The following TTN variants were observed in gnomAD, a reference collection of about 807,000 sequenced individuals.
TTN encodes the protein connectin.
Under a neutral mutation model 3,223.0 loss-of-function variants are expected in TTN, and 1,525 were observed. The observed-to-expected ratio is 0.47, with a 90% CI of 0.45 to 0.49. The LOEUF (loss-of-function observed/expected upper bound fraction) is 0.49. TTN is among the 20% of genes least tolerant of loss of function. The pLI is 0.00. For synonymous variants in TTN, 14,094 were observed against 15,161.0 expected, an observed-to-expected ratio of 0.93 and a Z score of 5.17; for missense variants, 40,786 against 43,424.0, an observed-to-expected ratio of 0.94 and a Z score of 5.40.
At position 178,561,191 on chromosome 2, in the gene TTN, A is replaced by G. The variant is rs1442636431; in HGVS notation, c.84941T>C (p.Val28314Ala). The G allele has an allele frequency of 1.2e-6, 2 of 1,613,608 alleles. No homozygotes were observed. The highest frequency in any genetic ancestry group is 1.7e-6 in the Non-Finnish European group (2 of 1,179,792). The change falls in exon 326 of 363, where the codon GTA (valine) becomes GCA (alanine). Residue 28314 changes from valine (V) to alanine (A), a missense_variant. Coordinates refer to ENST00000589042, the MANE Select transcript of TTN (RefSeq NM_001267550.2). ...YTNIQETYFE[V>A]TELTEDQRYE... The stretch of plus-strand genomic sequence containing the variant: ...ACGCTGATCTTCAGTAAGTTCAGTT[A>G]CTTCAAAGTATGTTTCTTGTATATT...
At position 178,554,983 on chromosome 2, in the gene TTN, G is replaced by C. The variant is rs190406444; in HGVS notation, c.88476C>G (p.Thr29492=). ...TGATGAGTATAGATGCGAGGTCCGT[G>C]GTATTTTCAACACACACCAGTGCAT... ...QTNALVCVEN[T]TDLASILIKD... The change falls in exon 331 of 363, where the codon ACC becomes ACG. Residue 29492 remains threonine (T), a synonymous_variant. Coordinates refer to ENST00000589042, the MANE Select transcript of TTN (RefSeq NM_001267550.2). 225 of 1,613,570 alleles carry C rather than the reference G, an allele frequency of 1.4e-4. 1 individual carries two copies. The African/African-American group carries it at 2.7e-3, about 20-fold the overall frequency.
chr2:178,528,809 A>G lies in TTN; in HGVS notation c.106942T>C (p.Ser35648Pro). 1.9e-6 allele frequency: 3 copies of G among 1,613,758 alleles called. No individual in the cohort carries two copies. The highest frequency in any genetic ancestry group is 4.5e-5 in the East Asian group (2 of 44,876). ...GAGACACCATATCGGTACTCCTCAG[A>G]GTTGGTAAGCTCTACGCCATTCAGT... Reference protein sequence around the residue: ...WVLNGVELTNSEEYRYGVSGS... With the variant: ...WVLNGVELTNPEEYRYGVSGS... The change falls in exon 360 of 363, where the codon TCT becomes CCT. Residue 35648 changes from serine to proline, a missense_variant. Coordinates refer to ENST00000589042, the MANE Select transcript of TTN (RefSeq NM_001267550.2).
In TTN at chr2:178,559,811, A is replaced by G. The variant is rs766812574; in HGVS notation, c.86321T>C (p.Met28774Thr). 3 of 1,610,250 alleles carry G rather than the reference A, an allele frequency of 1.9e-6. No homozygotes were observed. The highest frequency in any genetic ancestry group is 2.5e-6 in the Non-Finnish European group (3 of 1,179,306). Residue 28774 changes from methionine (M) to threonine (T), a missense_variant, in exon 326 of 363, where the codon ATG becomes ACG. By Grantham distance (81) the Met-to-Thr change is moderately conservative (BLOSUM62 -1). Coordinates refer to ENST00000589042, the MANE Select transcript of TTN (RefSeq NM_001267550.2). ...TGGTCTTCCTCGGAAAGGCACAGTC[A>G]TGGTAAATGAGGCACCAGCCTTGAC... is the stretch of plus-strand genomic sequence containing the variant. ...LIVKAGASFTMTVPFRGRPVP... is the reference protein window; with the variant it reads ...LIVKAGASFTTTVPFRGRPVP...
chr2:178,793,361 C>T, intron 9 of TTN, 43 bp downstream of exon 9: 1 of 1,609,810 alleles, frequency 6.2e-7, no homozygotes, highest in Non-Finnish European at 8.5e-7. Flanking sequence ...GTGTTGACCC[C>T]TGTAAGAACC....
chr2:178,548,184 A>G lies in TTN; in HGVS notation c.93442T>C (p.Tyr31148His), dbSNP rs373131310. ...DHDGGSRITG[Y>H]LLEMRQKGSD... ...CCCTTTTGTCTCATTTCAAGCAGGTAGCCAGTGATCCGGCTGCCTCCATCG... is the reference window on the plus strand; with the variant it reads ...CCCTTTTGTCTCATTTCAAGCAGGTGGCCAGTGATCCGGCTGCCTCCATCG... Residue 31148 changes from tyrosine (Y) to histidine (H), a missense_variant, in exon 339 of 363, where the codon TAC becomes CAC. Tyr to His is a moderately conservative substitution (Grantham distance 83). Transcript: ENST00000589042. The surrounding 1 kb of genome is among the most constrained non-coding windows in gnomAD (Gnocchi z 4.3). 134 of 1,613,782 alleles carry G rather than the reference A, an allele frequency of 8.3e-5. No homozygotes were observed. The highest frequency in any genetic ancestry group is 1.1e-4 in the Non-Finnish European group (126 of 1,179,826).
chr2:178,571,058 A>G lies in TTN; in HGVS notation c.75074T>C (p.Leu25025Pro), dbSNP rs3731743. Residue 25025 changes from leucine (L) to proline (P), a missense_variant, in exon 326 of 363, where the codon CTT (leucine) becomes CCT (proline). Physicochemically the swap from Leu to Pro is moderately conservative, Grantham distance 98. Coordinates refer to ENST00000589042, the MANE Select transcript of TTN (RefSeq NM_001267550.2). ...GTCATAGGTGGGTTTCTTCCACTGA[A>G]GAGTCACAGAATTCCTTGTGACAAT... is the stretch of plus-strand genomic sequence containing the variant. ...AIIVTRNSVT[L>P]QWKKPTYDGG... 6.8e-6 allele frequency: 11 copies of G among 1,612,526 alleles called. No individual in the cohort carries two copies. The East Asian group carries it at 2.2e-4, about 33-fold the overall frequency.
At position 178,782,792 on chromosome 2, in the gene TTN, G is replaced by T; in HGVS notation, c.3100+14C>A. 1.9e-6 allele frequency: 3 copies of T among 1,612,308 alleles called. No individual in the cohort carries two copies. The highest frequency in any genetic ancestry group is 2.5e-6 in the Non-Finnish European group (3 of 1,179,802). ...TGGCATGTGCATTAGGACTGTGGGA[G>T]GGTGGCCACTAACCCTGCACAGCCA... On this transcript the variant is annotated intron_variant, in intron 18 of 362. Coordinates refer to ENST00000589042, the MANE Select transcript of TTN (RefSeq NM_001267550.2).
Position 178,718,382 on chromosome 2 carries a change from T to G in TTN, c.24724A>C (p.Ser8242Arg). ...ESTIEDYAQY[S>R]CLIENEAGQD... ...CCAGCCTCATTTTCTATCAGGCAGCTGTACTGTGCATAATCCTCTATTGTG... is the reference window on the plus strand; with the variant it reads ...CCAGCCTCATTTTCTATCAGGCAGCGGTACTGTGCATAATCCTCTATTGTG... The change falls in exon 85 of 363, where the codon AGC (serine) becomes CGC (arginine). Residue 8242 changes from serine to arginine, a missense_variant. Transcript: ENST00000589042. The G allele has an allele frequency of 6.2e-7, 1 of 1,613,798 alleles. No individual in the cohort carries two copies. The highest frequency in any genetic ancestry group is 1.3e-5 in the African/African-American group (1 of 75,040).
intron 6 of TTN, among the ~76,000 whole-genome samples, chr2:178,797,550 C>A (rs1023987764): frequency 6.6e-6 from 1 of 152,016 alleles, no homozygotes. Flanking sequence ...TCCCCCAGAT[C>A]CATTTCTTTT....
Position 178,678,400 on chromosome 2 carries a change from A to T in TTN, c.33910+14T>A. The T allele has an allele frequency of 6.3e-7, 1 of 1,575,080 alleles. No homozygotes were observed. On this transcript the variant is annotated intron_variant, in intron 144 of 362. Coordinates refer to ENST00000589042, the MANE Select transcript of TTN (RefSeq NM_001267550.2). ...TTTTTTCCCCCAAGTACTCTAAGTGATGAAATTATGTACCTTTTGCAGGTG... is the reference window on the plus strand; with the variant it reads ...TTTTTTCCCCCAAGTACTCTAAGTGTTGAAATTATGTACCTTTTGCAGGTG...
In TTN at chr2:178,546,220, T is replaced by C. The variant is rs754379972; in HGVS notation, c.95111A>G (p.Lys31704Arg). The change falls in exon 342 of 363, where the codon AAA becomes AGA. Residue 31704 changes from lysine to arginine, a missense_variant. By Grantham distance (26) the Lys-to-Arg change is conservative. Transcript: ENST00000589042. ...SGTKAVSVMV[K>R]VLDSPGPCGK... ...ACATTTGACATGCTTACCAAGCACT[T>C]TGACCATGACAGACACGGCCTTGGT... 3 of 1,608,588 alleles carry C rather than the reference T, an allele frequency of 1.9e-6. No homozygotes were observed. The South Asian group carries it at 3.3e-5, about 18-fold the overall frequency.
In TTN at chr2:178,549,183, A is replaced by G. The variant is rs1485333840; in HGVS notation, c.92443T>C (p.Cys30815Arg). The G allele has an allele frequency of 6.2e-7, 1 of 1,613,644 alleles. No individual in the cohort carries two copies. Among genetic ancestry groups the G allele is most frequent in the African/African-American group, 1.3e-5 (1 of 74,912 alleles). ...PASGISRLIK[C>R]REPVNPPGPP... The stretch of plus-strand genomic sequence containing the variant: ...CCTGGTGGGTTGACGGGCTCTCTAC[A>G]TTTAATGAGTCTTGAGATGCCACTT... Residue 30815 changes from cysteine to arginine, a missense_variant, in exon 339 of 363, where the codon TGT becomes CGT. By Grantham distance (180) the Cys-to-Arg change is radical. Coordinates refer to ENST00000589042, the MANE Select transcript of TTN (RefSeq NM_001267550.2).
rs776812522 is a variant in TTN, at chr2:178,612,173, A to G, written c.50249-11T>C. On this transcript the variant is annotated splice_polypyrimidine_tract_variant and intron_variant, in intron 266 of 362. Coordinates refer to ENST00000589042, the MANE Select transcript of TTN (RefSeq NM_001267550.2). ...GTGGTCCAGGAGTGGCTGAAAATAA[A>G]ATAAACAATGATTAGGAAAACCAGA... The G allele has an allele frequency of 6.2e-7, 1 of 1,606,676 alleles. No homozygotes were observed. The highest frequency in any genetic ancestry group is 2.3e-5 in the East Asian group (1 of 44,408).
rs1223583950 is a variant in TTN, at chr2:178,768,789, A to C, written c.9047T>G (p.Met3016Arg). 1 of 1,614,076 alleles carries C rather than the reference A, an allele frequency of 6.2e-7. No homozygotes were observed. The change falls in exon 38 of 363, where the codon ATG (methionine) becomes AGG (arginine). Residue 3016 changes from methionine to arginine, a missense_variant. Transcript: ENST00000589042. ...TGAGTGTGTGAGCTTTTTGGTTCTC[A>C]TCTGGCACTTGTCAGTTGATTTGAT... Reference protein sequence around the residue: ...VEIKSTDKCQMRTKKLTHSLN... With the variant: ...VEIKSTDKCQRRTKKLTHSLN...
chr2:178,634,780 C>G lies in TTN; in HGVS notation c.42094G>C (p.Gly14032Arg). The G allele has an allele frequency of 6.2e-7, 1 of 1,613,150 alleles. No homozygotes were observed. Among genetic ancestry groups the G allele is most frequent in the Non-Finnish European group, 8.5e-7 (1 of 1,179,432 alleles). Residue 14032 changes from glycine (G) to arginine (R), a missense_variant, in exon 229 of 363, where the codon GGT (glycine) becomes CGT (arginine). By Grantham distance (125) the Gly-to-Arg change is moderately radical (BLOSUM62 -2). Coordinates refer to ENST00000589042, the MANE Select transcript of TTN (RefSeq NM_001267550.2). This position sits in a 1 kb window ranked among gnomAD's most constrained non-coding sequence, Gnocchi z 4.6. ...TLHKVKLDQA[G>R]EVLYQALNAI... ...TTAAGGGCCTGGTAGAGGACTTCAC[C>G]AGCTTGGTCCAGTTTGACTTTGTGC...
chr2:178,556,804 T>A, intron 330 of TTN, 44 bp downstream of exon 330: 1 of 1,602,038 alleles, frequency 6.2e-7, no homozygotes, highest in Admixed American at 1.7e-5. Context: ...GCGGAAATAC[T>A]GAGTTAAATA....
rs727503536 is a variant in TTN, at chr2:178,535,635, C to G, written c.100980G>C (p.Glu33660Asp). ...CCACATAGAAACCAGCATCTTTTCT[C>G]TCTACCCCATTGGGGAAAACAAGTG... ...FTSLVFPNGVERKDAGFYVVC... is the reference protein window; with the variant it reads ...FTSLVFPNGVDRKDAGFYVVC... Residue 33660 changes from glutamate (E) to aspartate (D), a missense_variant, in exon 358 of 363, where the codon GAG becomes GAC. Coordinates refer to ENST00000589042, the MANE Select transcript of TTN (RefSeq NM_001267550.2). 1.9e-6 allele frequency: 3 copies of G among 1,613,798 alleles called. No homozygotes were observed. Among genetic ancestry groups the G allele is most frequent in the Non-Finnish European group, 1.7e-6 (2 of 1,179,774 alleles).
chr2:178,599,235 T>C lies in TTN; in HGVS notation c.56558A>G (p.His18853Arg), dbSNP rs1348351926. 1 of 1,549,372 alleles carries C rather than the reference T, an allele frequency of 6.5e-7. No individual in the cohort carries two copies. Among genetic ancestry groups the C allele is most frequent in the South Asian group, 1.3e-5 (1 of 77,014 alleles). Residue 18853 changes from histidine to arginine, a missense_variant, in exon 290 of 363, where the codon CAT (histidine) becomes CGT (arginine). Physicochemically the swap from His to Arg is conservative, Grantham distance 29. Transcript: ENST00000589042. The stretch of plus-strand genomic sequence containing the variant: ...GGCCATGATTCGGAATACATATTCA[T>C]GGCCTTCTAGCAATTTGGGAATCGT... ...TYTIPKLLEG[H>R]EYVFRIMAQN...
chr2:178,658,793 CA>C lies in TTN; in HGVS notation c.37454del (p.Val12485GlyfsTer462). ...PPKPESPPPE[V>X]PEVLPPKEVV... The stretch of plus-strand genomic sequence containing the variant: ...CTTCCTTCGGTGGCAGCACTTCAGG[CA>C]CTTCAAAGATATTTGTAATTTGTGT... On this transcript the variant is annotated frameshift_variant and splice_region_variant, in exon 183 of 363. Transcript: ENST00000589042. LOFTEE classifies it high-confidence loss of function. The C allele has an allele frequency of 1.2e-6, 2 of 1,604,734 alleles. No homozygotes were observed. Among genetic ancestry groups the C allele is most frequent in the Non-Finnish European group, 1.7e-6 (2 of 1,176,058 alleles).
Sources: allele counts gnomAD v4.1 joint callset (sites outside exome capture counted in the v4.1 genomes callset), GRCh38; gene constraint gnomAD v4.1.1; non-coding constraint Gnocchi (gnomAD v3.1); transcripts MANE v1.5; gene names NCBI Gene and HGNC (gene_info 2026-07-23, HGNC 2026-07-21).